The following CTNNBL1 variants were observed in gnomAD, a reference collection of about 807,000 sequenced individuals.
CTNNBL1 encodes the protein beta-catenin-like protein 1.
CTNNBL1 carries 31 observed loss-of-function variants against 72.7 expected under a neutral mutation model. The observed-to-expected ratio is 0.43, with a 90% CI of 0.32 to 0.58. The LOEUF (loss-of-function observed/expected upper bound fraction) is 0.58. Among genes scored for constraint, CTNNBL1 ranks in the 20% least tolerant of loss-of-function variants. The pLI, the probability that CTNNBL1 is intolerant of heterozygous loss-of-function variation, is 0.08. For missense variants in CTNNBL1, 534 were observed against 725.1 expected, an observed-to-expected ratio of 0.74 and a Z score of 3.03; for synonymous variants, 240 against 267.3, an observed-to-expected ratio of 0.90 and a Z score of 1.00.
In CTNNBL1 at chr20:37,694,109, C is replaced by T. The variant is rs754920754; in HGVS notation, c.-14C>T. The T allele has an allele frequency of 1.9e-4, 300 of 1,604,848 alleles. No individual in the cohort carries two copies. Among genetic ancestry groups the T allele is most frequent in the Non-Finnish European group, 2.4e-4 (283 of 1,176,228 alleles). Reference sequence around the variant, plus strand: ...TGAGTGCAGGGAAGTGGAGTATTTGCTGGGCCGGGTACCATGGACGTGGGC... The same window carrying T: ...TGAGTGCAGGGAAGTGGAGTATTTGTTGGGCCGGGTACCATGGACGTGGGC... On this transcript the variant is annotated 5_prime_UTR_variant, in exon 1 of 16. Coordinates refer to ENST00000361383, the MANE Select transcript of CTNNBL1 (RefSeq NM_030877.5).
At chr20:37,709,092 G>A (rs959085507) in intron 1 of CTNNBL1, among the ~76,000 whole-genome samples, 3 of 151,950 alleles carry the variant, frequency 2.0e-5, no homozygotes, top group Admixed American at 2.0e-4. Flanking sequence ...AGCCGAGATC[G>A]CGCCACTGCA....
intron 11 of CTNNBL1, among the ~76,000 whole-genome samples, chr20:37,816,522 G>A (rs1314883035): frequency 3.9e-5 from 6 of 152,152 alleles, no homozygotes; most frequent in Admixed American, 2.6e-4. Context: ...TGGAGACAAT[G>A]TTTCACAGCA....
chr20:37,864,273 CTT>C (rs1486913592), intron 15 of CTNNBL1, among the ~76,000 whole-genome samples: 5 of 150,374 alleles, frequency 3.3e-5, no homozygotes. Flanking sequence ...AGTCTGTCCT[CTT>C]TGATTTTAAT....
Position 37,718,435 on chromosome 20 carries a change from G to A in CTNNBL1, c.31-14444G>A, listed in dbSNP as rs1213096102. Among the ~76,000 whole-genome samples, 181 of 128,636 alleles carry A rather than the reference G, an allele frequency of 1.4e-3. 3 individuals carry two copies. Among genetic ancestry groups the A allele is most frequent in the African/African-American group, 5.1e-3 (170 of 33,270 alleles). The allele number at this position is 128,636 out of a possible 152,430, so 84.4% of individuals were successfully genotyped here. On this transcript the variant is annotated intron_variant, in intron 1 of 15. Transcript: ENST00000361383. ...GGGCTGACCCCCCCACCTCCCTCCC[G>A]GACGGGGTGGCTGGCCGGGCGGGGG...
chr20:37,715,920 G>A (rs546610848), intron 1 of CTNNBL1, among the ~76,000 whole-genome samples: 1 of 152,260 alleles, frequency 6.6e-6, no homozygotes, highest in South Asian at 2.1e-4. Context: ...ACTTGCTTAT[G>A]AAAATTCACT....
chr20:37,871,167 G>A (rs1382793657), intron 15 of CTNNBL1, among the ~76,000 whole-genome samples: 2 of 152,146 alleles, frequency 1.3e-5, no homozygotes. Flanking sequence ...TGTTAAGTGG[G>A]TCTAGGGTGG....
intron 4 of CTNNBL1, among the ~76,000 whole-genome samples, chr20:37,757,302 GA>G (rs1568766645): frequency 6.6e-6 from 1 of 152,206 alleles, no homozygotes; most frequent in South Asian, 2.1e-4. Context: ...TTAAAATTTT[GA>G]AATCTGTGAA....
chr20:37,770,652 T>C (rs1271585490), intron 7 of CTNNBL1, among the ~76,000 whole-genome samples: 3 of 151,966 alleles, frequency 2.0e-5, no homozygotes, highest in Non-Finnish European at 4.4e-5. Flanking sequence ...AAGGGGCCCA[T>C]TTGATAGTTT....
chr20:37,735,241 A>G (rs1384672822), intron 2 of CTNNBL1, among the ~76,000 whole-genome samples: 2 of 150,488 alleles, frequency 1.3e-5, no homozygotes, highest in African/African-American at 2.5e-5. Flanking sequence ...CCCTTCCTCC[A>G]TTCCTCAGAT....
At position 37,777,509 on chromosome 20, in the gene CTNNBL1, C is replaced by G. The variant is rs922853643; in HGVS notation, c.823+92C>G. 4 of 1,407,664 alleles carry G rather than the reference C, an allele frequency of 2.8e-6. No homozygotes were observed. In the African/African-American group the frequency reaches 5.7e-5, roughly 20 times the overall value. 87.2% of individuals were successfully genotyped at this position (1,407,664 alleles called of 1,614,324 possible). On this transcript the variant is annotated intron_variant, in intron 8 of 15. Transcript: ENST00000361383. ...GCAAGCTCTCTTGCCTTTGGCATCCCCTTGCTCTCCCTCTCACTCCCTGTG... is the reference window on the plus strand; with the variant it reads ...GCAAGCTCTCTTGCCTTTGGCATCCGCTTGCTCTCCCTCTCACTCCCTGTG...
At chr20:37,786,732 A>C (rs1434125257) in intron 10 of CTNNBL1, among the ~76,000 whole-genome samples, 1 of 152,066 alleles carries the variant, frequency 6.6e-6, no homozygotes, top group East Asian at 1.9e-4. Flanking sequence ...TTAAACGCTT[A>C]ATGCTTTAAA....
chr20:37,730,145 T>C (rs949856216), intron 1 of CTNNBL1, among the ~76,000 whole-genome samples: 1 of 152,236 alleles, frequency 6.6e-6, no homozygotes, highest in African/African-American at 2.4e-5. Context: ...GGCAGAGTAC[T>C]GTTCAATACA....
chr20:37,725,907 C>T (rs2073080339), intron 1 of CTNNBL1, among the ~76,000 whole-genome samples: 1 of 151,966 alleles, frequency 6.6e-6, no homozygotes, highest in Non-Finnish European at 1.5e-5. Flanking sequence ...TCGCTTGAAC[C>T]CTGGAGGAGG....
chr20:37,777,160 A>G, intron 7 of CTNNBL1, 185 bp from the exon 8 acceptor site: 1 of 550,096 alleles, frequency 1.8e-6, no homozygotes, highest in Non-Finnish European at 3.3e-6. Context: ...CCATTGTTTC[A>G]ATCTGTCACT....
rs1320261797 is a variant in CTNNBL1 at position 37,694,275 on chromosome 20, C to T, written c.30+123C>T. The stretch of plus-strand genomic sequence containing the variant: ...CGGGCCCTCTAACTTCTCATGCCAC[C>T]CGGGGTCTCAGCCCCTCGTTTTACT... On this transcript the variant is annotated intron_variant, in intron 1 of 15. Coordinates refer to ENST00000361383, the MANE Select transcript of CTNNBL1 (RefSeq NM_030877.5). The T allele has an allele frequency of 4.8e-6, 4 of 833,002 alleles. No individual in the cohort carries two copies. The East Asian group carries it at 1.3e-4, about 27-fold the overall frequency. The allele number at this position is 833,002 out of a possible 1,614,324, so 51.6% of individuals were successfully genotyped here.
intron 6 of CTNNBL1, among the ~76,000 whole-genome samples, chr20:37,767,429 C>G (rs1328867199): frequency 6.6e-6 from 1 of 152,212 alleles, no homozygotes; most frequent in African/African-American, 2.4e-5. Flanking sequence ...CCTTTCCCCT[C>G]TGTGCATGTT....
At chr20:37,738,050 C>T (rs6067481) in intron 3 of CTNNBL1, among the ~76,000 whole-genome samples, 1 of 152,202 alleles carries the variant, frequency 6.6e-6, no homozygotes, top group Non-Finnish European at 1.5e-5. Context: ...TAGGGCCAGC[C>T]TTGTAAGCTA....
chr20:37,812,293 G>C (rs1052514165), intron 11 of CTNNBL1, among the ~76,000 whole-genome samples: 1 of 152,126 alleles, frequency 6.6e-6, no homozygotes, highest in African/African-American at 2.4e-5. Flanking sequence ...TTTCAAAAAA[G>C]AATGGGTCCC....
At chr20:37,769,001 A>G (rs1481892937) in intron 7 of CTNNBL1, among the ~76,000 whole-genome samples, 2 of 151,928 alleles carry the variant, frequency 1.3e-5, no homozygotes, top group Non-Finnish European at 2.9e-5. Context: ...CTAGTCTCGA[A>G]CTCCTGATCT....
Sources: gnomAD v4.1 joint callset for allele counts (sites outside exome capture counted in the v4.1 genomes callset) on GRCh38, gnomAD v4.1.1 for gene constraint, MANE v1.5 for transcripts, NCBI Gene and HGNC (gene_info 2026-07-23, HGNC 2026-07-21) for gene names.